The following ACAP1 variants were observed in gnomAD, a reference collection of about 807,000 sequenced individuals.
The protein encoded by ACAP1 is ArfGAP with coiled-coil, ankyrin repeat and PH domains 1.
ACAP1 carries 45 observed loss-of-function variants against 98.8 expected under a neutral mutation model. That is an observed-to-expected ratio of 0.46 (90% CI 0.36 to 0.58). The LOEUF is 0.58. ACAP1 is among the 20% of genes least tolerant of loss of function. ACAP1 has a pLI of 0.00. For synonymous variants in ACAP1, 362 were observed against 375.3 expected (o/e 0.96, Z 0.41); for missense variants, 735 against 971.4 (o/e 0.76, Z 3.24).
In ACAP1 at chr17:7,350,161, C is replaced by G. The variant is rs550794555; in HGVS notation, c.1996C>G (p.Leu666Val). Residue 666 changes from leucine to valine, a missense_variant, in exon 20 of 22, where the codon CTG becomes GTG. Transcript: ENST00000158762. This position sits in a 1 kb window ranked among gnomAD's most constrained non-coding sequence, Gnocchi z 4.6. ...CCTGTTCCTGAAACGGGGAGCTGAT[C>G]TGGGGGCTCGAGACTCTGAAGGCAG... ...ACLFLKRGAD[L>V]GARDSEGRDP... 272 of 1,614,226 alleles carry G rather than the reference C, an allele frequency of 1.7e-4. No individual in the cohort carries two copies. The highest frequency in any genetic ancestry group is 2.1e-4 in the Non-Finnish European group (247 of 1,180,038).
rs751164559 is a variant in ACAP1, at chr17:7,351,318, T to C, written c.2146T>C (p.Phe716Leu). The change falls in exon 22 of 22, where the codon TTC becomes CTC. Residue 716 changes from phenylalanine to leucine, a missense_variant. Transcript: ENST00000158762. ...QAGDETYLDIFRDFSLMASDD... is the reference protein window; with the variant it reads ...QAGDETYLDILRDFSLMASDD... ...AGGAGATGAGACGTATCTTGACATC[T>C]TCCGCGACTTCTCCCTCATGGCGTC... The C allele has an allele frequency of 6.2e-7, 1 of 1,613,722 alleles. No homozygotes were observed. The highest frequency in any genetic ancestry group is 8.5e-7 in the Non-Finnish European group (1 of 1,179,752).
intron 12 of ACAP1, 132 bp from the exon 13 acceptor site, chr17:7,346,676 A>G (rs1597653240): frequency 8.2e-7 from 1 of 1,214,480 alleles, no homozygotes; most frequent in East Asian, 2.4e-5. Context: ...GGAGAATATT[A>G]CCAACTGGTA....
In ACAP1 at chr17:7,347,047, C is replaced by T. The variant is rs1567630851; in HGVS notation, c.1148C>T (p.Ala383Val). ...CTCCCCCAGGGCTCAGGACACCTGG[C>T]CATAGGCTCTGCTGCCACCCTGGGC... The part of the protein sequence containing the change: ...RGPGQGSGHL[A>V]IGSAATLGSG... Residue 383 changes from alanine (A) to valine (V), a missense_variant, in exon 14 of 22, where the codon GCC (alanine) becomes GTC (valine). Physicochemically the swap from Ala to Val is moderately conservative, Grantham distance 64. This residue lies in a region of ACAP1 where 430 missense variants were observed against 531.8 expected (regional missense o/e 0.81). Transcript: ENST00000158762. 6.3e-7 allele frequency: 1 copy of T among 1,598,378 alleles called. No individual in the cohort carries two copies. Among genetic ancestry groups the T allele is most frequent in the Admixed American group, 1.7e-5 (1 of 59,082 alleles).
intron 21 of ACAP1, 53 bp downstream of exon 21, chr17:7,351,052 T>C: frequency 6.4e-7 from 1 of 1,564,406 alleles, no homozygotes; most frequent in East Asian, 2.2e-5. Flanking sequence ...ACTCTGGGCT[T>C]CTGGTCCACG....
intron 2 of ACAP1, among the ~76,000 whole-genome samples, chr17:7,340,067 C>T (rs919392082): frequency 5.3e-5 from 8 of 152,190 alleles, no homozygotes; most frequent in African/African-American, 1.9e-4. Flanking sequence ...TCGAGACCAG[C>T]CTGGGCAACA....
At chr17:7,337,134 G>A (rs2073228374) in intron 1 of ACAP1, 178 bp from the exon 2 acceptor site, 2 of 693,572 alleles carry the variant, frequency 2.9e-6, no homozygotes, top group East Asian at 2.5e-5. Flanking sequence ...CTCTGGCCTG[G>A]GCTGTGGTAG....
At chr17:7,342,565 A>T in intron 5 of ACAP1, 91 bp downstream of exon 5, 1 of 1,395,208 alleles carries the variant, frequency 7.2e-7, no homozygotes, top group Non-Finnish European at 1.0e-6. Flanking sequence ...CAGGAGTTGG[A>T]CACCAACCTA....
Position 7,343,464 on chromosome 17 carries a change from G to T in ACAP1, c.430G>T (p.Val144Phe). 1 of 1,614,154 alleles carries T rather than the reference G, an allele frequency of 6.2e-7. No homozygotes were observed. The change falls in exon 6 of 22, where the codon GTT becomes TTT. Residue 144 changes from valine to phenylalanine, a missense_variant. By Grantham distance (50) the Val-to-Phe change is conservative. Around this residue, in one of 5 missense-constraint regions of ACAP1, gnomAD observed 430 missense variants for 531.8 expected, o/e 0.81. Coordinates refer to ENST00000158762, the MANE Select transcript of ACAP1 (RefSeq NM_014716.4). The surrounding 1 kb of genome is among the most constrained non-coding windows in gnomAD (Gnocchi z 4.9). ...GGCTGCCCTGACCCACAACGCAGAG[G>T]TTCCCAGGCGCCGGGCCCAGGAGGC... ...LEAALTHNAE[V>F]PRRRAQEAEE...
In ACAP1 at chr17:7,344,702, G is replaced by A. The variant is rs1383194367; in HGVS notation, c.854+54G>A. 1.5e-6 allele frequency: 2 copies of A among 1,344,052 alleles called. No individual in the cohort carries two copies. Among genetic ancestry groups the A allele is most frequent in the East Asian group, 5.0e-5 (2 of 39,930 alleles). 83.3% of individuals were successfully genotyped at this position (1,344,052 alleles called of 1,614,324 possible). ...GCCCCACCCAATGATGTATTTTCGA[G>A]TGGTAATAGCACACTAAGCACTGCA... On this transcript the variant is annotated intron_variant, in intron 10 of 21. Transcript: ENST00000158762. This position sits in a 1 kb window ranked among gnomAD's most constrained non-coding sequence, Gnocchi z 4.9.
intron 2 of ACAP1, among the ~76,000 whole-genome samples, chr17:7,340,006 AT>A (rs1264566716): frequency 2.0e-5 from 3 of 152,116 alleles, no homozygotes; most frequent in Admixed American, 2.0e-4. Context: ...CATGCCTGTC[AT>A]CCCAACTACT....
chr17:7,350,281 C>G lies in ACAP1; in HGVS notation c.2072+44C>G, dbSNP rs757845371. On this transcript the variant is annotated intron_variant, in intron 20 of 21. Transcript: ENST00000158762. This position sits in a 1 kb window ranked among gnomAD's most constrained non-coding sequence, Gnocchi z 4.6. Reference sequence around the variant, plus strand: ...GCGGGGCTGGCGCTGGGACTCCCCCCACCCCCGCCCACCCACGTTCGGGCG... The same window carrying G: ...GCGGGGCTGGCGCTGGGACTCCCCCGACCCCCGCCCACCCACGTTCGGGCG... 4 of 1,502,112 alleles carry G rather than the reference C, an allele frequency of 2.7e-6. No homozygotes were observed. Among genetic ancestry groups the G allele is most frequent in the Non-Finnish European group, 3.7e-6 (4 of 1,087,336 alleles). The allele number at this position is 1,502,112 out of a possible 1,614,324, so 93.0% of individuals were successfully genotyped here.
At position 7,342,343 on chromosome 17, in the gene ACAP1, G is replaced by C; in HGVS notation, c.285+15G>C. On this transcript the variant is annotated intron_variant, in intron 4 of 21. Coordinates refer to ENST00000158762, the MANE Select transcript of ACAP1 (RefSeq NM_014716.4). The stretch of plus-strand genomic sequence containing the variant: ...ACAGCCATGCGGTAAGTAGGGGAAG[G>C]TAAGGATTGTCGGGGTGGTGGCCAG... 1 of 1,614,162 alleles carries C rather than the reference G, an allele frequency of 6.2e-7. No individual in the cohort carries two copies. Among genetic ancestry groups the C allele is most frequent in the South Asian group, 1.1e-5 (1 of 91,086 alleles).
intron 18 of ACAP1, chr17:7,349,464 C>T (rs1415138209): frequency 1.3e-5 from 4 of 312,684 alleles, no homozygotes; most frequent in Middle Eastern, 9.3e-4. Context: ...CAAGCTCCGC[C>T]TCCCGGGTTC....
Position 7,350,892 on chromosome 17 carries a change from G to A in ACAP1, c.2073-58G>A, listed in dbSNP as rs2073401658. On this transcript the variant is annotated intron_variant, in intron 20 of 21. Coordinates refer to ENST00000158762, the MANE Select transcript of ACAP1 (RefSeq NM_014716.4). The surrounding 1 kb of genome is among the most constrained non-coding windows in gnomAD (Gnocchi z 4.6). The stretch of plus-strand genomic sequence containing the variant: ...CCCAAAGTGTTGGGATTACAGGCGT[G>A]AGCCACCGCGCCCGGCCAAAGATAG... 6.3e-7 allele frequency: 1 copy of A among 1,581,698 alleles called. No individual in the cohort carries two copies. Among genetic ancestry groups the A allele is most frequent in the Non-Finnish European group, 8.7e-7 (1 of 1,151,180 alleles).
At position 7,350,257 on chromosome 17, in the gene ACAP1, C is replaced by T. The variant is rs2073390845; in HGVS notation, c.2072+20C>T. 1 of 1,553,606 alleles carries T rather than the reference C, an allele frequency of 6.4e-7. No homozygotes were observed. The highest frequency in any genetic ancestry group is 8.8e-7 in the Non-Finnish European group (1 of 1,135,456). ...CACCCTGTAAGAATGCCTGAAGGGGCGGGGCTGGCGCTGGGACTCCCCCCA... is the reference window on the plus strand; with the variant it reads ...CACCCTGTAAGAATGCCTGAAGGGGTGGGGCTGGCGCTGGGACTCCCCCCA... On this transcript the variant is annotated intron_variant, in intron 20 of 21. Transcript: ENST00000158762. This position sits in a 1 kb window ranked among gnomAD's most constrained non-coding sequence, Gnocchi z 4.6.
At chr17:7,348,745 G>A (rs985059035) in intron 17 of ACAP1, 14 of 582,812 alleles carry the variant, frequency 2.4e-5, no homozygotes, top group Non-Finnish European at 3.8e-5. Flanking sequence ...CAGGGGTTGA[G>A]AGCTGAGGCC....
chr17:7,343,211 A>G lies in ACAP1; in HGVS notation c.345-168A>G. The G allele has an allele frequency of 1.6e-6, 1 of 619,166 alleles. No individual in the cohort carries two copies. The allele number at this position is 619,166 out of a possible 1,614,324, so 38.4% of individuals were successfully genotyped here. On this transcript the variant is annotated intron_variant, in intron 5 of 21. Transcript: ENST00000158762. This position sits in a 1 kb window ranked among gnomAD's most constrained non-coding sequence, Gnocchi z 4.9. ...GCCACAGGAGCCTCCCCAGTGACGG[A>G]GTTGTGAGATTGGGGGTTTCTGGTG...
In ACAP1 at chr17:7,346,947, G is replaced by A. The variant is rs1411352020; in HGVS notation, c.1131+16G>A. 6.2e-7 allele frequency: 1 copy of A among 1,604,918 alleles called. No homozygotes were observed. The highest frequency in any genetic ancestry group is 8.5e-7 in the Non-Finnish European group (1 of 1,173,828). ...TCCAGGCCAGGTACCTTAACCTGGG[G>A]GTGCGGAGCCAGGCTGCCTGTGGAG... On this transcript the variant is annotated intron_variant, in intron 13 of 21. Coordinates refer to ENST00000158762, the MANE Select transcript of ACAP1 (RefSeq NM_014716.4).
chr17:7,346,709 G>C, intron 12 of ACAP1, 99 bp from the exon 13 acceptor site: 2 of 1,406,354 alleles, frequency 1.4e-6, no homozygotes, highest in South Asian at 2.6e-5. Context: ...AATGCAACTG[G>C]AACTGGTTGA....
Sources: allele counts gnomAD v4.1 joint callset (sites outside exome capture counted in the v4.1 genomes callset), GRCh38; gene constraint gnomAD v4.1.1; regional missense constraint gnomAD v4.1.1; non-coding constraint Gnocchi (gnomAD v3.1); transcripts MANE v1.5; gene names NCBI Gene and HGNC (gene_info 2026-07-23, HGNC 2026-07-21).